KIF6: variants seen among roughly 807,000 people sequenced by gnomAD.
KIF6 encodes kinesin-like protein KIF6.
A neutral mutation model predicts 112.7 loss-of-function variants in KIF6; 106 were observed. The observed-to-expected ratio is 0.94, with a 90% CI of 0.80 to 1.11. KIF6 has a LOEUF of 1.11. Among genes scored for constraint, KIF6 ranks in the 50% least tolerant of loss-of-function variants. The pLI is 0.00. For missense variants in KIF6, 929 were observed against 964.0 expected (o/e 0.96, Z 0.48); for synonymous variants, 339 against 339.9 (o/e 1.00, Z 0.03).
intron 5 of KIF6, among the ~76,000 whole-genome samples, chr6:39,627,727 T>C (rs1784161335): frequency 6.6e-6 from 1 of 152,188 alleles, no homozygotes; most frequent in Admixed American, 6.6e-5. Context: ...GGTTCCTTTT[T>C]ATAGTAATAA....
intron 13 of KIF6, among the ~76,000 whole-genome samples, chr6:39,497,310 T>C (rs1775842994): frequency 6.6e-6 from 1 of 152,230 alleles, no homozygotes; most frequent in South Asian, 2.1e-4. Context: ...AAAACAGATC[T>C]GTCAGCATGA....
chr6:39,397,161 C>G (rs2150333196), intron 15 of KIF6, among the ~76,000 whole-genome samples: 1 of 152,336 alleles, frequency 6.6e-6, no homozygotes, highest in South Asian at 2.1e-4. Flanking sequence ...ACTAAACCTT[C>G]TCCCTTCTGA....
At chr6:39,402,268 C>T (rs1768763727) in intron 15 of KIF6, among the ~76,000 whole-genome samples, 2 of 152,096 alleles carry the variant, frequency 1.3e-5, no homozygotes, top group Admixed American at 1.3e-4. Flanking sequence ...GGCAGAGGTG[C>T]CAGGGGCATG....
At chr6:39,649,725 GAAAGAA>G (rs1785362910) in intron 3 of KIF6, among the ~76,000 whole-genome samples, 2 of 31,144 alleles carry the variant, frequency 6.4e-5, no homozygotes, top group African/African-American at 3.1e-4. Context: ...TCTGATTAAA[GAAAGAA>G]AGAAAGAAAG....
intron 13 of KIF6, among the ~76,000 whole-genome samples, chr6:39,441,923 A>T (rs535626023): frequency 6.6e-6 from 1 of 152,142 alleles, no homozygotes; most frequent in South Asian, 2.1e-4. Context: ...GCTGGCTTGG[A>T]CCAGGCTGAA....
rs565175509 is a variant in KIF6, at chr6:39,412,151, G to A, written c.1810+7797C>T. ...ATTATTAGTGTTCAATCTTGCTAGT[G>A]AAGGTACACTACAGCCCTCCAACTT... is the stretch of plus-strand genomic sequence containing the variant. On this transcript the variant is annotated intron_variant, in intron 15 of 22. Coordinates refer to ENST00000287152, the MANE Select transcript of KIF6 (RefSeq NM_145027.6). Among the ~76,000 whole-genome samples, 13 of 152,266 alleles carry A rather than the reference G, an allele frequency of 8.5e-5. No homozygotes were observed. The South Asian group carries it at 2.7e-3, about 32-fold the overall frequency.
At chr6:39,538,016 G>A (rs1261667082) in intron 13 of KIF6, among the ~76,000 whole-genome samples, 2 of 152,224 alleles carry the variant, frequency 1.3e-5, no homozygotes, top group Non-Finnish European at 2.9e-5. Context: ...CTAGCTATAT[G>A]TAGAAAGTTG....
chr6:39,691,510 G>C (rs1022319853), intron 3 of KIF6: 1 of 151,950 alleles, frequency 6.6e-6, no homozygotes, highest in South Asian at 2.1e-4. Context: ...CAATATTTTT[G>C]GCTACATAAT....
chr6:39,375,782 T>A (rs1562148177), intron 16 of KIF6, among the ~76,000 whole-genome samples: 1 of 152,188 alleles, frequency 6.6e-6, no homozygotes. Context: ...AAAATCTCTC[T>A]CCATATATCA....
intron 3 of KIF6, among the ~76,000 whole-genome samples, chr6:39,644,565 T>G (rs183470403): frequency 6.6e-6 from 1 of 152,106 alleles, no homozygotes; most frequent in Non-Finnish European, 1.5e-5. Context: ...TCAAAAAAGA[T>G]GATATATTGT....
At position 39,417,957 on chromosome 6, in the gene KIF6, T is replaced by C. The variant is rs561287561; in HGVS notation, c.1810+1991A>G. On this transcript the variant is annotated intron_variant, in intron 15 of 22. Transcript: ENST00000287152. ...CACTGGGTCCCTTGAGGTAAGAGGA[T>C]GCTGACAAATTGGCCCTGGCTCCAC... Among the ~76,000 whole-genome samples the C allele has an allele frequency of 2.0e-5, 3 of 151,878 alleles. No homozygotes were observed. In the South Asian group the frequency reaches 6.3e-4, roughly 32 times the overall value.
chr6:39,525,264 C>G (rs560472162), intron 13 of KIF6, among the ~76,000 whole-genome samples: 1 of 152,274 alleles, frequency 6.6e-6, no homozygotes, highest in East Asian at 1.9e-4. Context: ...CCACCTCAGC[C>G]TCCCAAGTGG....
intron 16 of KIF6, among the ~76,000 whole-genome samples, chr6:39,369,045 CA>C (rs1376736571): frequency 6.6e-6 from 1 of 152,224 alleles, no homozygotes; most frequent in Admixed American, 6.5e-5. Flanking sequence ...CTGTCTCACA[CA>C]ACCATAGATC....
At chr6:39,438,210 G>A (rs1285645349) in intron 13 of KIF6, among the ~76,000 whole-genome samples, 2 of 152,162 alleles carry the variant, frequency 1.3e-5, no homozygotes, top group African/African-American at 4.8e-5. Flanking sequence ...CTGACCTCAG[G>A]TGATCCACCT....
At chr6:39,487,675 A>T (rs146995510) in intron 13 of KIF6, among the ~76,000 whole-genome samples, 1 of 152,246 alleles carries the variant, frequency 6.6e-6, no homozygotes, top group African/African-American at 2.4e-5. Flanking sequence ...CTCAGAAAGC[A>T]TCTAAATTCA....
intron 3 of KIF6, among the ~76,000 whole-genome samples, chr6:39,665,069 G>A (rs924573295): frequency 5.9e-5 from 9 of 152,074 alleles, no homozygotes; most frequent in Admixed American, 2.0e-4. Flanking sequence ...CAAATAGGTC[G>A]AAAAGGGAAA....
chr6:39,625,918 T>C (rs1303999165), intron 5 of KIF6, among the ~76,000 whole-genome samples: 1 of 152,076 alleles, frequency 6.6e-6, no homozygotes, highest in Non-Finnish European at 1.5e-5. Context: ...TGTTTGACAG[T>C]TTCCATATTC....
At chr6:39,505,241 G>A (rs1368001528) in intron 13 of KIF6, among the ~76,000 whole-genome samples, 1 of 151,940 alleles carries the variant, frequency 6.6e-6, no homozygotes, top group Non-Finnish European at 1.5e-5. Flanking sequence ...CAAAAACAAG[G>A]AATGGCAAAA....
At chr6:39,458,122 A>G (rs1484675167) in intron 13 of KIF6, among the ~76,000 whole-genome samples, 2 of 150,654 alleles carry the variant, frequency 1.3e-5, no homozygotes, top group African/African-American at 2.5e-5. Flanking sequence ...AAAATCCTCA[A>G]TAAAATACTG....
Sources: allele counts gnomAD v4.1 joint callset (sites outside exome capture counted in the v4.1 genomes callset), GRCh38; gene constraint gnomAD v4.1.1; transcripts MANE v1.5; gene names NCBI Gene and HGNC (gene_info 2026-07-23, HGNC 2026-07-21).